The following INPP5A variants were observed in gnomAD, a reference collection of about 807,000 sequenced individuals.
INPP5A encodes 43 kDa inositol polyphosphate 5-phophatase.
In INPP5A, 14 loss-of-function variants were observed where a neutral mutation model predicts 65.2. The observed-to-expected ratio is 0.21, with a 90% CI of 0.14 to 0.34. The LOEUF (loss-of-function observed/expected upper bound fraction) is 0.34. Ranked by LOEUF, INPP5A falls within the 10% of genes least tolerant of loss-of-function variation. The pLI is 1.00. For synonymous variants in INPP5A, 207 were observed against 208.3 expected (o/e 0.99, Z 0.05); for missense variants, 431 against 545.6 (o/e 0.79, Z 2.09).
At chr10:132,746,552 C>T (rs1846375131) in intron 9 of INPP5A, among the ~76,000 whole-genome samples, 1 of 152,216 alleles carries the variant, frequency 6.6e-6, no homozygotes, top group Non-Finnish European at 1.5e-5. Context: ...ACGCCCTGTC[C>T]AGGCAGCATG....
intron 1 of INPP5A, among the ~76,000 whole-genome samples, chr10:132,596,898 C>T (rs531907851): frequency 1.2e-3 from 145 of 125,490 alleles, no homozygotes; most frequent in African/African-American, 4.4e-3. Context: ...TGTTTGGAGG[C>T]TCCTGTGCAT....
At chr10:132,649,929 C>T (rs544519036) in intron 3 of INPP5A, among the ~76,000 whole-genome samples, 1 of 152,280 alleles carries the variant, frequency 6.6e-6, no homozygotes, top group Admixed American at 6.5e-5. Flanking sequence ...GTTGCAAGGC[C>T]GTGGCAACTC....
intron 4 of INPP5A, among the ~76,000 whole-genome samples, chr10:132,671,287 G>A (rs2072886478): frequency 6.6e-6 from 1 of 151,892 alleles, no homozygotes; most frequent in African/African-American, 2.4e-5. Flanking sequence ...ACTTAGGAGT[G>A]GAGAGTTCAA....
chr10:132,642,727 G>A (rs1439956019), intron 2 of INPP5A, among the ~76,000 whole-genome samples: 1 of 152,108 alleles, frequency 6.6e-6, no homozygotes, highest in Non-Finnish European at 1.5e-5. Context: ...TAAATTAGTG[G>A]GACCGTTTGT....
chr10:132,571,502 C>T (rs1411676616), intron 1 of INPP5A, among the ~76,000 whole-genome samples: 1 of 152,244 alleles, frequency 6.6e-6, no homozygotes, highest in Admixed American at 6.5e-5. Context: ...CACTGATAAT[C>T]AAAACCACCA....
At chr10:132,738,644 C>T (rs959469858) in intron 9 of INPP5A, among the ~76,000 whole-genome samples, 2 of 152,238 alleles carry the variant, frequency 1.3e-5, no homozygotes, top group Non-Finnish European at 2.9e-5. Flanking sequence ...AGCAAGTGGG[C>T]GCCACTCCCA....
chr10:132,607,826 C>G (rs2071879491), intron 1 of INPP5A, 89 bp from the exon 2 acceptor site: 1 of 1,302,312 alleles, frequency 7.7e-7, no homozygotes, highest in Admixed American at 1.7e-5. Flanking sequence ...TGCTCCTGCC[C>G]CACGTTGTCT....
intron 11 of INPP5A, among the ~76,000 whole-genome samples, chr10:132,761,976 A>G (rs1482077376): frequency 1.3e-5 from 2 of 152,252 alleles, no homozygotes; most frequent in African/African-American, 4.8e-5. Flanking sequence ...AAAAAAAAGT[A>G]GGACTCATAG....
chr10:132,717,857 G>A (rs1449125911), intron 8 of INPP5A, among the ~76,000 whole-genome samples: 1 of 146,100 alleles, frequency 6.8e-6, no homozygotes, highest in Non-Finnish European at 1.5e-5. Flanking sequence ...GGGTTCTGTG[G>A]TACCTGGGTT....
chr10:132,682,081 G>A (rs2073055004), intron 4 of INPP5A, among the ~76,000 whole-genome samples: 1 of 152,242 alleles, frequency 6.6e-6, no homozygotes, highest in African/African-American at 2.4e-5. Flanking sequence ...GAAGGGAGCT[G>A]CTGCTGGACA....
At chr10:132,761,280 A>C (rs1846728488) in intron 11 of INPP5A, among the ~76,000 whole-genome samples, 1 of 152,196 alleles carries the variant, frequency 6.6e-6, no homozygotes, top group African/African-American at 2.4e-5. Context: ...AAAGAAAGCA[A>C]ATGCCTAGAT....
chr10:132,713,259 C>T (rs1479679149), intron 8 of INPP5A, among the ~76,000 whole-genome samples: 1 of 151,940 alleles, frequency 6.6e-6, no homozygotes, highest in Non-Finnish European at 1.5e-5. Flanking sequence ...TGCATGTGCA[C>T]ATAAGTGTGT....
chr10:132,780,261 C>T (rs573954085), intron 13 of INPP5A, among the ~76,000 whole-genome samples: 9 of 152,374 alleles, frequency 5.9e-5, no homozygotes, highest in East Asian at 5.8e-4. Flanking sequence ...CGGAGGCGCC[C>T]GGAATACAGG....
rs952886671 is a variant in INPP5A, at chr10:132,704,668, G to C, written c.475-3645G>C. 1.3e-5 allele frequency among the ~76,000 whole-genome samples: 2 copies of C among 152,018 alleles called. No homozygotes were observed. The highest frequency in any genetic ancestry group is 2.9e-5 in the Non-Finnish European group (2 of 68,002). ...TGGATCCTGTGCGTGGCTGGGCCGT[G>C]GGGGGGCAGTGGCTGTTCCAGGTGG... On this transcript the variant is annotated intron_variant, in intron 6 of 15. Transcript: ENST00000368594. This position sits in a 1 kb window ranked among gnomAD's most constrained non-coding sequence, Gnocchi z 4.5.
At chr10:132,632,908 C>T (rs949693014) in intron 2 of INPP5A, among the ~76,000 whole-genome samples, 1 of 152,210 alleles carries the variant, frequency 6.6e-6, no homozygotes, top group Non-Finnish European at 1.5e-5. Flanking sequence ...GATGCCACAT[C>T]GGTGGCTTAG....
At chr10:132,592,979 C>G (rs111294167) in intron 1 of INPP5A, among the ~76,000 whole-genome samples, 1 of 152,134 alleles carries the variant, frequency 6.6e-6, no homozygotes, top group Non-Finnish European at 1.5e-5. Context: ...AGGGCCTGCT[C>G]TCAGACTGCC....
At chr10:132,716,022 G>T (rs1303180046) in intron 8 of INPP5A, among the ~76,000 whole-genome samples, 1 of 152,240 alleles carries the variant, frequency 6.6e-6, no homozygotes, top group African/African-American at 2.4e-5. Flanking sequence ...ACTGCTGCCC[G>T]GCAGGAGGGG....
Position 132,714,154 on chromosome 10 carries a change from G to A in INPP5A, c.647+3698G>A, listed in dbSNP as rs1845698085. Reference sequence around the variant, plus strand: ...TTAAAATGTGTCATTGCCCCTCGCTGCCATGGCTCCGCGGCCTCAAGAAAG... The same window carrying A: ...TTAAAATGTGTCATTGCCCCTCGCTACCATGGCTCCGCGGCCTCAAGAAAG... On this transcript the variant is annotated intron_variant, in intron 8 of 15. Transcript: ENST00000368594. 2.6e-5 allele frequency among the ~76,000 whole-genome samples: 4 copies of A among 152,234 alleles called. 1 individual carries two copies. The South Asian group carries it at 8.3e-4, about 31-fold the overall frequency.
In INPP5A at chr10:132,545,985, G is replaced by A. The variant is rs1422447507; in HGVS notation, c.75+7814G>A. ...TAATGTTCATGGTGTGTTTGGAGAC[G>A]TGGAAGTGGCTCTGGAGGAGCGTCC... On this transcript the variant is annotated intron_variant, in intron 1 of 15. Coordinates refer to ENST00000368594, the MANE Select transcript of INPP5A (RefSeq NM_005539.5). This position sits in a 1 kb window ranked among gnomAD's most constrained non-coding sequence, Gnocchi z 4.6. 6.6e-6 allele frequency among the ~76,000 whole-genome samples: 1 copy of A among 152,248 alleles called. No individual in the cohort carries two copies. The highest frequency in any genetic ancestry group is 2.1e-4 in the South Asian group (1 of 4,832).
Sources: allele counts gnomAD v4.1 joint callset (sites outside exome capture counted in the v4.1 genomes callset), GRCh38; gene constraint gnomAD v4.1.1; non-coding constraint Gnocchi (gnomAD v3.1); transcripts MANE v1.5; gene names NCBI Gene and HGNC (gene_info 2026-07-23, HGNC 2026-07-21).